Variants in FGD5 observed in about 807,000 individuals in gnomAD.
The protein encoded by FGD5 is FYVE, RhoGEF and PH domain containing 5, also known as FYVE, RhoGEF and PH domain-containing protein 5.
In FGD5, 28 loss-of-function variants were observed where a neutral mutation model predicts 133.4. The ratio of observed to expected loss-of-function variants is 0.21; its 90% CI spans 0.16 to 0.29. FGD5 has a LOEUF of 0.29. Among genes scored for constraint, FGD5 ranks in the 10% least tolerant of loss-of-function variants. The pLI is 1.00. For missense variants in FGD5, 1,858 were observed against 1,895.2 expected (o/e 0.98, Z 0.36); for synonymous variants, 810 against 776.5 (o/e 1.04, Z -0.72).
At chr3:14,884,268 A>G (rs1575230906) in intron 4 of FGD5, among the ~76,000 whole-genome samples, 1 of 152,190 alleles carries the variant, frequency 6.6e-6, no homozygotes, top group Admixed American at 6.5e-5. Flanking sequence ...CCTTTGGGCT[A>G]AGCCATTCAG....
intron 2 of FGD5, among the ~76,000 whole-genome samples, chr3:14,879,576 C>T (rs1180559544): frequency 6.6e-6 from 1 of 152,240 alleles, no homozygotes; most frequent in Non-Finnish European, 1.5e-5. Flanking sequence ...CTCGCTCACT[C>T]ACTCACTCCT....
chr3:14,846,565 C>T (rs1426669688), intron 1 of FGD5, among the ~76,000 whole-genome samples: 1 of 152,242 alleles, frequency 6.6e-6, no homozygotes, highest in Non-Finnish European at 1.5e-5. Context: ...AGAAACTGCT[C>T]ACACGGCACC....
intron 10 of FGD5, among the ~76,000 whole-genome samples, chr3:14,908,119 C>G (rs1359019699): frequency 1.3e-5 from 2 of 152,106 alleles, no homozygotes; most frequent in Non-Finnish European, 2.9e-5. Flanking sequence ...TTTAAAGCTT[C>G]CAAATGGAAA....
chr3:14,831,683 C>T (rs540198370), intron 1 of FGD5, among the ~76,000 whole-genome samples: 1 of 152,246 alleles, frequency 6.6e-6, no homozygotes, highest in African/African-American at 2.4e-5. Context: ...GGATTTGTAC[C>T]TCCAGGTGAA....
At chr3:14,898,229 G>A (rs1238674735) in intron 6 of FGD5, 134 bp downstream of exon 6, 10 of 1,139,830 alleles carry the variant, frequency 8.8e-6, no homozygotes, top group Non-Finnish European at 1.3e-5. Flanking sequence ...CTGGCCAGAG[G>A]GATGAGAGGA....
intron 1 of FGD5, among the ~76,000 whole-genome samples, chr3:14,859,759 C>T (rs1845280): frequency 0.084 from 12,771 of 152,052 alleles, 756 homozygotes; most frequent in East Asian, 0.3. Flanking sequence ...AGCACATTTC[C>T]TTTGTTTTGT....
chr3:14,889,048 G>A (rs2037975946), intron 4 of FGD5, among the ~76,000 whole-genome samples: 1 of 152,228 alleles, frequency 6.6e-6, no homozygotes, highest in South Asian at 2.1e-4. Context: ...TGAACAGTCA[G>A]CTGCAGTAGT....
chr3:14,844,204 T>TAAA (rs1168327274), intron 1 of FGD5, among the ~76,000 whole-genome samples: 374 of 17,158 alleles, frequency 0.022, 45 homozygotes, highest in Middle Eastern at 0.056. Flanking sequence ...TAATAGGCAT[T>TAAA]AAAAAAAAAA....
intron 9 of FGD5, among the ~76,000 whole-genome samples, chr3:14,906,581 G>A (rs1339991194): frequency 1.3e-5 from 2 of 152,242 alleles, no homozygotes; most frequent in African/African-American, 2.4e-5. Flanking sequence ...TCGTGGGCAC[G>A]TGGCAGAGAC....
chr3:14,897,751 A>C, intron 5 of FGD5, 82 bp downstream of exon 5: 1 of 1,481,170 alleles, frequency 6.8e-7, no homozygotes, highest in Non-Finnish European at 9.0e-7. Context: ...CATATGAAAT[A>C]GTATCTCCAT....
rs1170549879 is a variant in FGD5, at chr3:14,898,084, C to T, written c.3055C>T (p.Arg1019Cys). 5.6e-6 allele frequency: 9 copies of T among 1,613,852 alleles called. No individual in the cohort carries two copies. Among genetic ancestry groups the T allele is most frequent in the African/African-American group, 2.7e-5 (2 of 74,910 alleles). The change falls in exon 6 of 20, where the codon CGT (arginine) becomes TGT (cysteine). Residue 1019 changes from arginine to cysteine, a missense_variant. Arg to Cys is a radical substitution (Grantham distance 180). This residue lies in a region of FGD5 where 1,824 missense variants were observed against 1,848.9 expected (regional missense o/e 0.99). Coordinates refer to ENST00000285046, the MANE Select transcript of FGD5 (RefSeq NM_152536.4). ...LHSPRLAAAV[R>C]EFEQSVQGGS... Reference sequence around the variant, plus strand: ...CTCTCCCCGGCTGGCAGCTGCTGTCCGTGAATTTGAGGTGGGTCCCTTGGT... The same window carrying T: ...CTCTCCCCGGCTGGCAGCTGCTGTCTGTGAATTTGAGGTGGGTCCCTTGGT...
rs1249183284 is a variant in FGD5 at position 14,820,761 on chromosome 3, C to T, written c.1690C>T (p.Gln564Ter). The change falls in exon 1 of 20, where the codon CAG (glutamine) becomes TAG (stop). Residue 564 changes from glutamine to a stop codon, truncating the protein, a stop_gained. Transcript: ENST00000285046. LOFTEE classifies it high-confidence loss of function. ...CCGAGAGATTCCAGTGTCCGTGTAC[C>T]AGGAGCCTGAGGGGTCAGGGTTGGA... is the stretch of plus-strand genomic sequence containing the variant. ...EGREIPVSVYQEPEGSGLDDH... is the reference protein window; with the variant it reads ...EGREIPVSVY 6.2e-7 allele frequency: 1 copy of T among 1,612,928 alleles called. No homozygotes were observed.
chr3:14,836,384 A>G (rs921215779), intron 1 of FGD5, among the ~76,000 whole-genome samples: 10 of 152,182 alleles, frequency 6.6e-5, no homozygotes, highest in African/African-American at 4.8e-5. Flanking sequence ...GAGTGAGTCA[A>G]TGGCTTAGCA....
intron 2 of FGD5, among the ~76,000 whole-genome samples, chr3:14,876,872 T>G (rs535295103): frequency 7.9e-5 from 12 of 152,274 alleles, no homozygotes; most frequent in African/African-American, 2.6e-4. Flanking sequence ...TCTTGACTCT[T>G]TGTGTGACCC....
At chr3:14,872,278 T>C (rs1269108268) in intron 2 of FGD5, among the ~76,000 whole-genome samples, 1 of 151,782 alleles carries the variant, frequency 6.6e-6, no homozygotes, top group Non-Finnish European at 1.5e-5. Flanking sequence ...GAATGTTGTA[T>C]GTCACACTTT....
chr3:14,898,261 C>A (rs768106478), intron 6 of FGD5, among the ~76,000 whole-genome samples, 166 bp downstream of exon 6: 1 of 152,098 alleles, frequency 6.6e-6, no homozygotes, highest in African/African-American at 2.4e-5. Context: ...GGAGGAGAAC[C>A]CAGAATTCAG....
intron 1 of FGD5, among the ~76,000 whole-genome samples, chr3:14,841,561 C>CTTT (rs34268022): frequency 1.4e-5 from 2 of 140,888 alleles, no homozygotes; most frequent in Admixed American, 7.0e-5. Flanking sequence ...AAGGATCAGG[C>CTTT]TTTTTTTTTT....
chr3:14,876,815 A>G (rs994896187), intron 2 of FGD5, among the ~76,000 whole-genome samples: 17 of 152,252 alleles, frequency 1.1e-4, no homozygotes, highest in African/African-American at 3.6e-4. Context: ...CTGAGCACCC[A>G]GTTTTACAGT....
chr3:14,879,291 C>T (rs531742370), intron 2 of FGD5, among the ~76,000 whole-genome samples: 4 of 152,370 alleles, frequency 2.6e-5, no homozygotes, highest in African/African-American at 9.6e-5. Flanking sequence ...TGCACATTCA[C>T]AGCCTCCCCC....
Sources: allele counts gnomAD v4.1 joint callset (sites outside exome capture counted in the v4.1 genomes callset), GRCh38; gene constraint gnomAD v4.1.1; regional missense constraint gnomAD v4.1.1; transcripts MANE v1.5; gene names NCBI Gene and HGNC (gene_info 2026-07-23, HGNC 2026-07-21).